The following KHDRBS3 variants were observed in gnomAD, a reference collection of about 807,000 sequenced individuals.
KHDRBS3 encodes KH RNA binding domain containing, signal transduction associated 3.
A neutral mutation model predicts 45.6 loss-of-function variants in KHDRBS3; 23 were observed. The ratio of observed to expected loss-of-function variants is 0.50; its 90% confidence interval spans 0.36 to 0.72. KHDRBS3 has a LOEUF of 0.72. Among genes scored for constraint, KHDRBS3 ranks in the 30% least tolerant of loss-of-function variants. KHDRBS3 has a pLI of 0.00. For synonymous variants in KHDRBS3, 162 were observed against 156.5 expected (o/e 1.04, Z -0.26); for missense variants, 352 against 424.8 (o/e 0.83, Z 1.51).
In KHDRBS3 at chr8:135,646,980, T is replaced by G; in HGVS notation, c.950-13T>G. On this transcript the variant is annotated splice_polypyrimidine_tract_variant and intron_variant, in intron 8 of 8. Transcript: ENST00000355849. ...GGCAGTGATCTAATTGTGATTCATC[T>G]TACTGATTGTAGGGCAAGAAGAGTG... 6.9e-7 allele frequency: 1 copy of G among 1,457,802 alleles called. No individual in the cohort carries two copies. Among genetic ancestry groups the G allele is most frequent in the Non-Finnish European group, 9.6e-7 (1 of 1,037,378 alleles). 90.3% of individuals were successfully genotyped at this position (1,457,802 alleles called of 1,614,324 possible).
At chr8:135,487,393 AG>A (rs908957221) in intron 1 of KHDRBS3, among the ~76,000 whole-genome samples, 33 of 152,180 alleles carry the variant, frequency 2.2e-4, no homozygotes, top group Non-Finnish European at 2.9e-5. Context: ...CTGTGAAATA[AG>A]TGAATTTATT....
chr8:135,512,426 A>ATTGG (rs1824334489), intron 1 of KHDRBS3, among the ~76,000 whole-genome samples: 1 of 42,576 alleles, frequency 2.3e-5, no homozygotes, highest in Non-Finnish European at 3.8e-5. Flanking sequence ...TGTTTGGAAA[A>ATTGG]GTCGGGGGGG....
chr8:135,588,489 C>T (rs7835526), intron 6 of KHDRBS3, among the ~76,000 whole-genome samples: 13,660 of 152,108 alleles, frequency 0.09, 1,040 homozygotes, highest in African/African-American at 0.21. Context: ...GCGATTGACT[C>T]AATCTCCAGC....
At chr8:135,460,046 T>G (rs1318869926) in intron 1 of KHDRBS3, among the ~76,000 whole-genome samples, 1 of 152,248 alleles carries the variant, frequency 6.6e-6, no homozygotes, top group East Asian at 1.9e-4. Flanking sequence ...ATGCAGAGCT[T>G]TATCATTTAA....
chr8:135,504,575 G>A (rs967537522), intron 1 of KHDRBS3, among the ~76,000 whole-genome samples: 2 of 152,120 alleles, frequency 1.3e-5, no homozygotes, highest in African/African-American at 4.8e-5. Flanking sequence ...ATTAGTTCTT[G>A]GAATAGCAAA....
At chr8:135,588,645 G>T (rs559318401) in intron 6 of KHDRBS3, among the ~76,000 whole-genome samples, 6 of 152,184 alleles carry the variant, frequency 3.9e-5, no homozygotes, top group African/African-American at 1.4e-4. Flanking sequence ...CTTCTGTGAT[G>T]GAAAGGGGCT....
intron 1 of KHDRBS3, among the ~76,000 whole-genome samples, chr8:135,484,839 C>T (rs1475639585): frequency 1.3e-5 from 2 of 152,104 alleles, no homozygotes; most frequent in Non-Finnish European, 2.9e-5. Context: ...TTCTCCTTTC[C>T]AAATTTATAT....
At chr8:135,638,045 AAAAC>A (rs1830891355) in intron 7 of KHDRBS3, among the ~76,000 whole-genome samples, 1 of 152,208 alleles carries the variant, frequency 6.6e-6, no homozygotes, top group Non-Finnish European at 1.5e-5. Flanking sequence ...ACCTCTGAAA[AAAAC>A]AAAACCACAC....
At chr8:135,463,617 A>G (rs1480080744) in intron 1 of KHDRBS3, among the ~76,000 whole-genome samples, 2 of 152,208 alleles carry the variant, frequency 1.3e-5, no homozygotes, top group East Asian at 3.8e-4. Context: ...ACTCCTAATG[A>G]TATTTCTCAT....
intron 8 of KHDRBS3, 144 bp from the exon 9 acceptor site, chr8:135,646,849 G>A: frequency 2.0e-6 from 1 of 498,900 alleles, no homozygotes; most frequent in Non-Finnish European, 3.7e-6. Context: ...TAAATTCCTT[G>A]TTTGTTTTTC....
At chr8:135,568,623 G>A (rs1433552487) in intron 5 of KHDRBS3, among the ~76,000 whole-genome samples, 4 of 152,224 alleles carry the variant, frequency 2.6e-5, no homozygotes, top group Admixed American at 2.6e-4. Flanking sequence ...ACGGAGAAAA[G>A]AATTAAAATG....
intron 4 of KHDRBS3, among the ~76,000 whole-genome samples, chr8:135,553,810 T>C (rs16905405): frequency 0.014 from 2,157 of 152,308 alleles, 41 homozygotes; most frequent in African/African-American, 0.049. Context: ...AAAATTTTAA[T>C]GGCTTTTCTG....
At chr8:135,514,674 G>C (rs1824476511) in intron 1 of KHDRBS3, among the ~76,000 whole-genome samples, 1 of 152,258 alleles carries the variant, frequency 6.6e-6, no homozygotes, top group Admixed American at 6.5e-5. Flanking sequence ...ACTTAAAAAT[G>C]GTTGACTATA....
intron 1 of KHDRBS3, among the ~76,000 whole-genome samples, chr8:135,480,667 G>A (rs1360161904): frequency 6.6e-6 from 1 of 152,074 alleles, no homozygotes; most frequent in Admixed American, 6.6e-5. Flanking sequence ...AAAAAAAAGA[G>A]AAATGTGCTT....
intron 2 of KHDRBS3, chr8:135,539,587 A>G (rs1189125966): frequency 6.6e-6 from 1 of 152,222 alleles, no homozygotes; most frequent in African/African-American, 2.4e-5. Flanking sequence ...AGTATACGCA[A>G]TCTGCTGGCT....
At chr8:135,464,571 A>G (rs1821601257) in intron 1 of KHDRBS3, among the ~76,000 whole-genome samples, 1 of 152,240 alleles carries the variant, frequency 6.6e-6, no homozygotes. Context: ...TAGGTTCACA[A>G]AAGAAAAAAA....
intron 4 of KHDRBS3, among the ~76,000 whole-genome samples, chr8:135,654,793 A>G (rs1270604511): frequency 1.3e-5 from 2 of 152,232 alleles, no homozygotes; most frequent in Non-Finnish European, 2.9e-5. Flanking sequence ...AGAGGCCGAC[A>G]GGCTCTCTGA....
chr8:135,515,527 G>T (rs996790309), intron 1 of KHDRBS3, among the ~76,000 whole-genome samples: 1 of 151,850 alleles, frequency 6.6e-6, no homozygotes, highest in Admixed American at 6.6e-5. Context: ...CCCAGAGGCT[G>T]ATATGCATGG....
intron 6 of KHDRBS3, among the ~76,000 whole-genome samples, chr8:135,592,749 G>T (rs950689010): frequency 4.3e-5 from 1 of 23,350 alleles, no homozygotes; most frequent in Non-Finnish European, 1.1e-4. Flanking sequence ...CAAAGAGGGG[G>T]CTTCGAACTC....
Sources: allele counts gnomAD v4.1 joint callset (sites outside exome capture counted in the v4.1 genomes callset), GRCh38; gene constraint gnomAD v4.1.1; transcripts MANE v1.5; gene names NCBI Gene and HGNC (gene_info 2026-07-23, HGNC 2026-07-21).